Variants in SETD1B observed in about 807,000 individuals in gnomAD.
SETD1B encodes SET domain containing 1B, histone lysine methyltransferase, also known as histone-lysine N-methyltransferase SETD1B.
In SETD1B, 7 loss-of-function variants were observed where a neutral mutation model predicts 148.0. The ratio of observed to expected loss-of-function variants is 0.05; its 90% CI spans 0.03 to 0.09. SETD1B has a LOEUF of 0.09. Among genes scored for constraint, SETD1B ranks in the 10% least tolerant of loss-of-function variants. SETD1B has a pLI of 1.00. For missense variants in SETD1B, 2,155 were observed against 2,729.9 expected (o/e 0.79, Z 4.69); for synonymous variants, 1,361 against 1,186.5 (o/e 1.15, Z -3.02).
upstream of SETD1B, chr12:121,800,887 C>T (rs1566541631): frequency 6.6e-6 from 1 of 151,832 alleles, no homozygotes; most frequent in South Asian, 2.1e-4. Context: ...CTCCCCACGA[C>T]CGGGGGGACG....
intron 11 of SETD1B, among the ~76,000 whole-genome samples, chr12:121,821,434 C>CT (rs1441873623): frequency 1.4e-5 from 2 of 140,410 alleles, no homozygotes; most frequent in Non-Finnish European, 3.0e-5. Flanking sequence ...GTGAGACTGT[C>CT]TTAAAAAAAA....
At chr12:121,796,569 G>A in the SETD1B span, among the ~76,000 whole-genome samples, 1 of 152,216 alleles carries the variant, frequency 6.6e-6, no homozygotes, top group Non-Finnish European at 1.5e-5. Flanking sequence ...AGCCTTCAGG[G>A]ATGAAGCTAC....
At chr12:121,813,168 A>G (rs1021367077) in intron 6 of SETD1B, among the ~76,000 whole-genome samples, 1 of 152,088 alleles carries the variant, frequency 6.6e-6, no homozygotes, top group Non-Finnish European at 1.5e-5. Flanking sequence ...GTGTTTATTA[A>G]CTGTCAAATG....
At chr12:121,807,440 T>G (rs1875797290) in intron 4 of SETD1B, among the ~76,000 whole-genome samples, 1 of 98,228 alleles carries the variant, frequency 1.0e-5, no homozygotes, top group Non-Finnish European at 2.3e-5. Flanking sequence ...AAATTTCAAT[T>G]CTGTAAAAAA....
chr12:121,799,992 T>A (rs986154208), upstream of SETD1B: 1 of 151,742 alleles, frequency 6.6e-6, no homozygotes, highest in African/African-American at 2.4e-5. Flanking sequence ...GATCAGGGCG[T>A]TGGGGGAGAG....
At chr12:121,797,504 G>A in the SETD1B span, 1 of 456,438 alleles carries the variant, frequency 2.2e-6, no homozygotes, top group Non-Finnish European at 4.4e-6. Context: ...GACCAAAGCA[G>A]AGAGAGAGGG....
intron 16 of SETD1B, among the ~76,000 whole-genome samples, chr12:121,828,952 C>T (rs147936463): frequency 1.6e-4 from 24 of 152,174 alleles, no homozygotes; most frequent in Non-Finnish European, 3.5e-4. Flanking sequence ...TGTGAATATC[C>T]GGGGAGATCT....
rs779916649 is a variant in SETD1B, at chr12:121,823,764, T to TG, written c.5170+21dup. 21 of 1,533,150 alleles carry TG rather than the reference T, an allele frequency of 1.4e-5. No individual in the cohort carries two copies. The Admixed American group carries it at 1.4e-4, about 10-fold the overall frequency. The allele number at this position is 1,533,150 out of a possible 1,614,324, so 95.0% of individuals were successfully genotyped here. On this transcript the variant is annotated intron_variant, in intron 12 of 16. Coordinates refer to ENST00000604567, the MANE Select transcript of SETD1B (RefSeq NM_001353345.2). ...CTACCATCCCTATATCCTGCTGGCA[T>TG]GGGGGGCTCTGCACCTTCTGGGATG...
chr12:121,801,809 C>T (rs1875379304), upstream of SETD1B: 1 of 152,164 alleles, frequency 6.6e-6, no homozygotes, highest in Non-Finnish European at 1.5e-5. Context: ...GTTTACTGCT[C>T]TGGATATAGC....
the SETD1B span, among the ~76,000 whole-genome samples, chr12:121,792,896 C>G: frequency 6.6e-6 from 1 of 152,254 alleles, no homozygotes; most frequent in Non-Finnish European, 1.5e-5. Context: ...AGGAGAGGAA[C>G]GAGCTGTGGG....
the SETD1B span, chr12:121,795,842 A>G: frequency 6.5e-6 from 1 of 152,678 alleles, no homozygotes; most frequent in Non-Finnish European, 1.5e-5. Flanking sequence ...TCCATCCAAG[A>G]AATGGGGCTG....
Position 121,808,758 on chromosome 12 carries a change from A to G in SETD1B, c.657+438A>G, listed in dbSNP as rs1875866953. Among the ~76,000 whole-genome samples the G allele has an allele frequency of 6.6e-6, 1 of 152,164 alleles. No homozygotes were observed. The highest frequency in any genetic ancestry group is 2.4e-5 in the African/African-American group (1 of 41,422). ...TCCAGAGCAAGGCTGACTCCTTCCA[A>G]ACCACTGCCTTCCAGGACACAGGGA... On this transcript the variant is annotated intron_variant, in intron 5 of 16. Coordinates refer to ENST00000604567, the MANE Select transcript of SETD1B (RefSeq NM_001353345.2). This position sits in a 1 kb window ranked among gnomAD's most constrained non-coding sequence, Gnocchi z 5.3.
rs1877060341 is a variant in SETD1B, at chr12:121,830,825, AAAG to A, written c.*587_*589del. 6.6e-6 allele frequency: 1 copy of A among 152,226 alleles called. No homozygotes were observed. The highest frequency in any genetic ancestry group is 1.5e-5 in the Non-Finnish European group (1 of 68,172). 9.4% of individuals were successfully genotyped at this position (152,226 alleles called of 1,614,324 possible). A position where few individuals can be genotyped will look rare whatever the true frequency, so the allele number is the denominator to read the frequency against. ...CTTGACCTCAGAACACTACGCCCTGAAAGCGCCCCTCACTGCCCGTGGGCACAG... is the reference window on the plus strand; with the variant it reads ...CTTGACCTCAGAACACTACGCCCTGACGCCCCTCACTGCCCGTGGGCACAG... On this transcript the variant is annotated 3_prime_UTR_variant, in exon 17 of 17. Coordinates refer to ENST00000604567, the MANE Select transcript of SETD1B (RefSeq NM_001353345.2). The surrounding 1 kb of genome is among the most constrained non-coding windows in gnomAD (Gnocchi z 5.7).
chr12:121,815,587 G>A (rs1338995415), intron 7 of SETD1B, among the ~76,000 whole-genome samples: 1 of 152,006 alleles, frequency 6.6e-6, no homozygotes, highest in African/African-American at 2.4e-5. Context: ...ATAGCTCACT[G>A]CACCCTCAAC....
chr12:121,804,696 G>C lies in SETD1B; in HGVS notation c.-14-28G>C. Reference sequence around the variant, plus strand: ...AGCGGCCGCCGCCGCCGCCGCGGCGGAGACGACAACAACTTGCTGGTTTTC... The same window carrying C: ...AGCGGCCGCCGCCGCCGCCGCGGCGCAGACGACAACAACTTGCTGGTTTTC... On this transcript the variant is annotated intron_variant, in intron 1 of 16. Transcript: ENST00000604567. The surrounding 1 kb of genome is among the most constrained non-coding windows in gnomAD (Gnocchi z 4.6). 6.5e-7 allele frequency: 1 copy of C among 1,538,346 alleles called. No homozygotes were observed. Among genetic ancestry groups the C allele is most frequent in the Non-Finnish European group, 8.8e-7 (1 of 1,142,622 alleles).
chr12:121,797,832 G>C, the SETD1B span: 1 of 328,558 alleles, frequency 3.0e-6, no homozygotes, highest in Non-Finnish European at 6.0e-6. Context: ...GAAGGAGGAG[G>C]CTTTTGGGAT....
chr12:121,824,571 C>T (rs1049992972), intron 12 of SETD1B, among the ~76,000 whole-genome samples: 22 of 151,802 alleles, frequency 1.4e-4, no homozygotes, highest in African/African-American at 4.6e-4. Flanking sequence ...TGCTTGAACC[C>T]GGGAGGCACA....
the SETD1B span, among the ~76,000 whole-genome samples, chr12:121,791,046 A>G: frequency 0.014 from 2,105 of 148,556 alleles, 40 homozygotes; most frequent in African/African-American, 0.049. Flanking sequence ...GCTAATTTTT[A>G]TACTTTTAGT....
At chr12:121,806,700 C>T (rs1216895298) in intron 4 of SETD1B, among the ~76,000 whole-genome samples, 1 of 152,024 alleles carries the variant, frequency 6.6e-6, no homozygotes, top group Non-Finnish European at 1.5e-5. Flanking sequence ...AGGCAGGCGG[C>T]TCTGGGTGCT....
Sources: allele counts gnomAD v4.1 joint callset (sites outside exome capture counted in the v4.1 genomes callset), GRCh38; gene constraint gnomAD v4.1.1; non-coding constraint Gnocchi (gnomAD v3.1); transcripts MANE v1.5; gene names NCBI Gene and HGNC (gene_info 2026-07-23, HGNC 2026-07-21).